Variants in NAA35 observed in about 807,000 individuals in gnomAD.
The protein encoded by NAA35 is MAK10 homolog, amino-acid N-acetyltransferase subunit.
Under a neutral mutation model 101.7 loss-of-function variants are expected in NAA35, and 18 were observed. The observed-to-expected ratio is 0.18, with a 90% CI of 0.12 to 0.26. NAA35 has a LOEUF of 0.26. Among genes scored for constraint, NAA35 ranks in the 10% least tolerant of loss-of-function variants. NAA35 has a pLI of 1.00. For missense variants in NAA35, 601 were observed against 886.8 expected, an observed-to-expected ratio of 0.68 and a Z score of 4.09; for synonymous variants, 267 against 273.1, an observed-to-expected ratio of 0.98 and a Z score of 0.22.
intron 12 of NAA35, among the ~76,000 whole-genome samples, chr9:85,998,329 A>G (rs1442996094): frequency 2.6e-5 from 4 of 152,318 alleles, no homozygotes; most frequent in South Asian, 2.1e-4. Context: ...CAACAAATAC[A>G]TGACAAATTC....
rs1830149082 is a variant in NAA35 at position 85,974,963 on chromosome 9, A to G, written c.517-4A>G. 2 of 1,607,798 alleles carry G rather than the reference A, an allele frequency of 1.2e-6. No homozygotes were observed. Among genetic ancestry groups the G allele is most frequent in the Admixed American group, 1.7e-5 (1 of 59,762 alleles). On this transcript the variant is annotated splice_polypyrimidine_tract_variant and splice_region_variant and intron_variant, in intron 6 of 22. Transcript: ENST00000361671. ...ATGAGCCTGATTATTTCCTTTTTGT[A>G]TAGGAAGATTTTCAGTCAATGACTT...
At chr9:85,961,843 C>T (rs962953098) in intron 5 of NAA35, among the ~76,000 whole-genome samples, 170 bp from the exon 6 acceptor site, 6 of 151,846 alleles carry the variant, frequency 4.0e-5, no homozygotes, top group African/African-American at 1.5e-4. Flanking sequence ...CCCATAGACA[C>T]TTGAAAAATG....
At chr9:85,972,461 A>T (rs1476119367) in intron 6 of NAA35, among the ~76,000 whole-genome samples, 1 of 145,814 alleles carries the variant, frequency 6.9e-6, no homozygotes, top group Non-Finnish European at 1.5e-5. Context: ...ACAGTGAGCT[A>T]AGTTTGCGTC....
intron 6 of NAA35, among the ~76,000 whole-genome samples, chr9:85,968,573 A>T (rs960069964): frequency 3.9e-5 from 6 of 152,146 alleles, no homozygotes; most frequent in Non-Finnish European, 7.3e-5. Context: ...AAAAGTACTA[A>T]TACTTGTATG....
At chr9:86,018,526 G>A in intron 20 of NAA35, 131 bp downstream of exon 20, 1 of 1,317,440 alleles carries the variant, frequency 7.6e-7, no homozygotes, top group Non-Finnish European at 1.0e-6. Context: ...GGTAGCATAT[G>A]AGGGTTGAGA....
At chr9:86,017,960 C>G (rs1360715946) in intron 19 of NAA35, among the ~76,000 whole-genome samples, 1 of 152,140 alleles carries the variant, frequency 6.6e-6, no homozygotes, top group South Asian at 2.1e-4. Context: ...AGCTCCACAA[C>G]GAATGGCTTA....
intron 2 of NAA35, among the ~76,000 whole-genome samples, chr9:85,953,071 G>A (rs891541385): frequency 1.3e-5 from 2 of 152,026 alleles, no homozygotes; most frequent in Admixed American, 1.3e-4. Context: ...AAATTAGCCG[G>A]GCATGGTGGT....
intron 2 of NAA35, among the ~76,000 whole-genome samples, chr9:85,946,553 T>G (rs1476800572): frequency 6.6e-6 from 1 of 152,196 alleles, no homozygotes; most frequent in Non-Finnish European, 1.5e-5. Context: ...TTTTCTTCTC[T>G]TTTTGATGGC....
intron 6 of NAA35, among the ~76,000 whole-genome samples, chr9:85,962,461 A>G (rs1044631632): frequency 7.2e-5 from 9 of 124,906 alleles, no homozygotes; most frequent in Non-Finnish European, 1.1e-4. Flanking sequence ...ACTGCACTCC[A>G]GCCTGGGCAA....
intron 6 of NAA35, among the ~76,000 whole-genome samples, chr9:85,972,802 CAT>C (rs560430588): frequency 1.2e-4 from 18 of 152,282 alleles, no homozygotes; most frequent in African/African-American, 4.3e-4. Flanking sequence ...TCGTTGAACA[CAT>C]ATTTATTGAA....
At position 85,958,484 on chromosome 9, in the gene NAA35, T is replaced by G; in HGVS notation, c.171T>G (p.Phe57Leu). 2 of 1,603,480 alleles carry G rather than the reference T, an allele frequency of 1.2e-6. No individual in the cohort carries two copies. The highest frequency in any genetic ancestry group is 1.7e-6 in the Non-Finnish European group (2 of 1,175,138). Residue 57 changes from phenylalanine to leucine, a missense_variant, in exon 4 of 23, where the codon TTT (phenylalanine) becomes TTG (leucine). Coordinates refer to ENST00000361671, the MANE Select transcript of NAA35 (RefSeq NM_024635.4). ...TTTTTATTTGCAGATTTGGTCTTTTTGAAGCCATGTCTGCTATTGAAATGA... is the reference window on the plus strand; with the variant it reads ...TTTTTATTTGCAGATTTGGTCTTTTGGAAGCCATGTCTGCTATTGAAATGA... ...ELLHDKLFGL[F>L]EAMSAIEMMD...
intron 11 of NAA35, among the ~76,000 whole-genome samples, chr9:85,982,461 C>T (rs1269925522): frequency 6.6e-6 from 1 of 152,168 alleles, no homozygotes. Flanking sequence ...GTTCACATCA[C>T]CTCCTCCAAT....
chr9:85,980,860 C>T (rs1830409728), intron 11 of NAA35, among the ~76,000 whole-genome samples: 1 of 152,100 alleles, frequency 6.6e-6, no homozygotes, highest in South Asian at 2.1e-4. Context: ...TTGGCCATTC[C>T]AGTAGAGAGG....
intron 11 of NAA35, among the ~76,000 whole-genome samples, chr9:85,993,858 G>C (rs1283314428): frequency 6.6e-6 from 1 of 152,088 alleles, no homozygotes; most frequent in Non-Finnish European, 1.5e-5. Flanking sequence ...ACCCAGGCTG[G>C]AATGCAGTGA....
intron 2 of NAA35, among the ~76,000 whole-genome samples, chr9:85,954,430 C>T (rs532009328): frequency 1.4e-4 from 22 of 152,286 alleles, no homozygotes; most frequent in African/African-American, 4.6e-4. Flanking sequence ...CACAGTGTCT[C>T]GACCATTTTA....
chr9:85,951,555 T>C (rs1229764189), intron 2 of NAA35, among the ~76,000 whole-genome samples: 1 of 152,252 alleles, frequency 6.6e-6, no homozygotes, highest in Non-Finnish European at 1.5e-5. Flanking sequence ...TTTCTTGAAC[T>C]TTGAATGGCT....
chr9:86,016,755 G>A (rs1338845193), intron 18 of NAA35, 80 bp downstream of exon 18: 2 of 1,432,466 alleles, frequency 1.4e-6, no homozygotes, highest in Admixed American at 2.0e-5. Context: ...CTACTCGTGA[G>A]TTGGTCATTA....
At position 85,977,447 on chromosome 9, in the gene NAA35, G is replaced by A; in HGVS notation, c.762+1G>A. 1 of 1,594,348 alleles carries A rather than the reference G, an allele frequency of 6.3e-7. No individual in the cohort carries two copies. Among genetic ancestry groups the A allele is most frequent in the Non-Finnish European group, 8.6e-7 (1 of 1,162,982 alleles). On this transcript the variant is annotated splice_donor_variant, in intron 10 of 22. Transcript: ENST00000361671. LOFTEE classifies it high-confidence loss of function. ...GCTTATAGCCTTTACTAAGAAAGAG[G>A]TAAGGGCATTCAATATAATATGTCT...
intron 6 of NAA35, among the ~76,000 whole-genome samples, chr9:85,964,861 G>GT (rs1187600585): frequency 5.3e-5 from 8 of 152,076 alleles, no homozygotes; most frequent in African/African-American, 1.7e-4. Flanking sequence ...TATGGTTACT[G>GT]TTTTTTTCCC....
Sources: gnomAD v4.1 joint callset for allele counts (sites outside exome capture counted in the v4.1 genomes callset) on GRCh38, gnomAD v4.1.1 for gene constraint, MANE v1.5 for transcripts, NCBI Gene and HGNC (gene_info 2026-07-23, HGNC 2026-07-21) for gene names.